The following CHAT variants were observed in gnomAD, a reference collection of about 807,000 sequenced individuals.
CHAT encodes the protein acetyl CoA:choline O-acetyltransferase.
A neutral mutation model predicts 76.9 loss-of-function variants in CHAT; 61 were observed. The ratio of observed to expected loss-of-function variants is 0.79; its 90% CI spans 0.65 to 0.98. The LOEUF (loss-of-function observed/expected upper bound fraction) is 0.98, where lower values mean the gene tolerates loss of function less well. Among genes scored for constraint, CHAT ranks in the 50% least tolerant of loss-of-function variants. CHAT has a pLI of 0.00. For synonymous variants in CHAT, 407 were observed against 397.4 expected, an observed-to-expected ratio of 1.02 and a Z score of -0.29; for missense variants, 946 against 986.9, an observed-to-expected ratio of 0.96 and a Z score of 0.56.
At position 49,615,135 on chromosome 10, in the gene CHAT, G is replaced by A. The variant is rs550912976; in HGVS notation, c.286+660G>A. Among the ~76,000 whole-genome samples the A allele has an allele frequency of 8.8e-5, 13 of 148,266 alleles. No individual in the cohort carries two copies. The South Asian group carries it at 2.8e-3, about 32-fold the overall frequency. Reference sequence around the variant, plus strand: ...CTTCTTCAAGCTCAGGGTCCCTGAAGCCTGACTAGTGTCTCCCGAATGGGG... The same window carrying A: ...CTTCTTCAAGCTCAGGGTCCCTGAAACCTGACTAGTGTCTCCCGAATGGGG... On this transcript the variant is annotated intron_variant, in intron 1 of 14. Coordinates refer to ENST00000337653, the MANE Select transcript of CHAT (RefSeq NM_020549.5).
intron 7 of CHAT, among the ~76,000 whole-genome samples, chr10:49,632,909 C>G (rs766463801): frequency 1.2e-4 from 19 of 152,254 alleles, no homozygotes; most frequent in Non-Finnish European, 2.6e-4. Context: ...TCAGCTCCAG[C>G]TCAGACATGG....
intron 13 of CHAT, 36 bp from the exon 14 acceptor site, chr10:49,662,609 C>A (rs746000750): frequency 1.9e-6 from 3 of 1,613,264 alleles, no homozygotes; most frequent in African/African-American, 1.3e-5. Context: ...AGGAGGCCCA[C>A]TTCTCATCTC....
At chr10:49,653,093 C>T (rs910441978) in intron 11 of CHAT, among the ~76,000 whole-genome samples, 1 of 151,968 alleles carries the variant, frequency 6.6e-6, no homozygotes, top group Non-Finnish European at 1.5e-5. Flanking sequence ...TTCTGGGCAT[C>T]TCGCATGCCT....
Position 49,614,083 on chromosome 10 carries a change from G to T in CHAT, c.-107G>T. 1 of 1,539,402 alleles carries T rather than the reference G, an allele frequency of 6.5e-7. No homozygotes were observed. Among genetic ancestry groups the T allele is most frequent in the African/African-American group, 1.4e-5 (1 of 72,976 alleles). On this transcript the variant is annotated 5_prime_UTR_variant, in exon 1 of 15. Coordinates refer to ENST00000337653, the MANE Select transcript of CHAT (RefSeq NM_020549.5). ...AGGCATGGGCGGGACAGTGTTCTGT[G>T]CCCCCTTCTAGAGCCTAAATTTGTT...
rs140158044 is a variant in CHAT, at chr10:49,616,703, G to C, written c.387+101G>C. 112 of 860,406 alleles carry C rather than the reference G, an allele frequency of 1.3e-4. No homozygotes were observed. In the East Asian group the frequency reaches 2.5e-3, roughly 19 times the overall value. 53.3% of individuals were successfully genotyped at this position (860,406 alleles called of 1,614,324 possible). Reference sequence around the variant, plus strand: ...TGGGACTGGCCCCCAGCATTTGCCTGGCCCCAGCCCTGCCCTCTACTGGCA... The same window carrying C: ...TGGGACTGGCCCCCAGCATTTGCCTCGCCCCAGCCCTGCCCTCTACTGGCA... On this transcript the variant is annotated intron_variant, in intron 2 of 14. Transcript: ENST00000337653.
chr10:49,646,857 G>A (rs910737614), intron 8 of CHAT, among the ~76,000 whole-genome samples, 183 bp downstream of exon 8: 7 of 152,186 alleles, frequency 4.6e-5, no homozygotes, highest in African/African-American at 7.2e-5. Context: ...GGTCTGAGAT[G>A]TGCTGTTGAT....
chr10:49,616,434 G>A, intron 1 of CHAT, 68 bp from the exon 2 acceptor site: 1 of 1,228,304 alleles, frequency 8.1e-7, no homozygotes, highest in Non-Finnish European at 1.2e-6. Flanking sequence ...TCTGTTGGCG[G>A]GAGGTGGAGG....
rs1321810028 is a variant in CHAT, at chr10:49,651,838, T to A, written c.1512-46T>A. On this transcript the variant is annotated intron_variant, in intron 10 of 14. Transcript: ENST00000337653. Reference sequence around the variant, plus strand: ...CCCGGGGAAACCCCAGATGCATGCATACTGTTTTGCATGCAATAAAAACAT... The same window carrying A: ...CCCGGGGAAACCCCAGATGCATGCAAACTGTTTTGCATGCAATAAAAACAT... 4 of 1,582,968 alleles carry A rather than the reference T, an allele frequency of 2.5e-6. No homozygotes were observed. The African/African-American group carries it at 4.0e-5, about 16-fold the overall frequency.
intron 7 of CHAT, among the ~76,000 whole-genome samples, chr10:49,642,704 C>G (rs1839525589): frequency 6.6e-6 from 1 of 152,276 alleles, no homozygotes; most frequent in Admixed American, 6.5e-5. Flanking sequence ...CTGCCCACTC[C>G]ACACTGGCTT....
At chr10:49,642,231 T>A (rs1839505855) in intron 7 of CHAT, among the ~76,000 whole-genome samples, 2 of 152,342 alleles carry the variant, frequency 1.3e-5, no homozygotes, top group South Asian at 4.1e-4. Context: ...TTGTCCCATG[T>A]TTCCATTACA....
chr10:49,663,444 T>C lies in CHAT; in HGVS notation c.1977+662T>C, dbSNP rs190422400. ...GTCTTGGCTTGGCCAGATACAATTA[T>C]GTAGGGAGAAAGCCCAGCCCAGGGC... On this transcript the variant is annotated intron_variant, in intron 14 of 14. Coordinates refer to ENST00000337653, the MANE Select transcript of CHAT (RefSeq NM_020549.5). Among the ~76,000 whole-genome samples the C allele has an allele frequency of 7.2e-5, 11 of 152,218 alleles. No individual in the cohort carries two copies. In the East Asian group the frequency reaches 9.7e-4, roughly 13 times the overall value.
At chr10:49,614,903 C>T (rs1022880588) in intron 1 of CHAT, among the ~76,000 whole-genome samples, 1 of 152,202 alleles carries the variant, frequency 6.6e-6, no homozygotes, top group Non-Finnish European at 1.5e-5. Flanking sequence ...CCGATGACAG[C>T]CTGTGAATGA....
intron 7 of CHAT, among the ~76,000 whole-genome samples, chr10:49,630,897 A>C (rs552341914): frequency 1.3e-5 from 2 of 151,744 alleles, no homozygotes; most frequent in African/African-American, 4.8e-5. Context: ...GGGCAGTTGG[A>C]TGTTGAAGAT....
intron 7 of CHAT, among the ~76,000 whole-genome samples, chr10:49,642,171 C>T (rs1477509248): frequency 1.3e-5 from 2 of 152,196 alleles, no homozygotes; most frequent in Non-Finnish European, 2.9e-5. Flanking sequence ...TCGATGTGCT[C>T]GATGAGGATG....
At chr10:49,662,067 C>A (rs1840210481) in intron 13 of CHAT, among the ~76,000 whole-genome samples, 1 of 152,174 alleles carries the variant, frequency 6.6e-6, no homozygotes, top group South Asian at 2.1e-4. Context: ...ATGAATTGAT[C>A]CTGAGCCATG....
At chr10:49,631,170 TGTTCAAGTCTGCTCAGCAG>T (rs1256914591) in intron 7 of CHAT, among the ~76,000 whole-genome samples, 2 of 152,150 alleles carry the variant, frequency 1.3e-5, no homozygotes, top group African/African-American at 4.8e-5. Context: ...TAAGGAAGTG[TGTTCAAGTCTGCTCAGCAG>T]GTTCAAGTCT....
intron 6 of CHAT, among the ~76,000 whole-genome samples, chr10:49,627,187 A>C (rs182087058): frequency 6.6e-6 from 1 of 152,368 alleles, no homozygotes; most frequent in East Asian, 1.9e-4. Context: ...CGAGAGGCAC[A>C]TTCCTCGTGT....
At chr10:49,662,523 A>C in intron 13 of CHAT, 122 bp from the exon 14 acceptor site, 1 of 1,285,306 alleles carries the variant, frequency 7.8e-7, no homozygotes, top group Non-Finnish European at 1.1e-6. Context: ...GGCAGCAGGC[A>C]CTGGGTAAGC....
chr10:49,611,907 C>A (rs1434644449), upstream of CHAT: 1 of 1,611,874 alleles, frequency 6.2e-7, no homozygotes, highest in Non-Finnish European at 8.5e-7. Flanking sequence ...CACTATGCGG[C>A]CTCTGTTTTG....
Sources: allele counts gnomAD v4.1 joint callset (sites outside exome capture counted in the v4.1 genomes callset), GRCh38; gene constraint gnomAD v4.1.1; transcripts MANE v1.5; gene names NCBI Gene and HGNC (gene_info 2026-07-23, HGNC 2026-07-21).